TRPM6: variants seen among roughly 807,000 people sequenced by gnomAD.
The protein encoded by TRPM6 is channel kinase 2.
TRPM6 carries 111 observed loss-of-function variants against 247.6 expected under a neutral mutation model. That is an observed-to-expected ratio of 0.45 (90% CI 0.38 to 0.52). The LOEUF is 0.52. TRPM6 is among the 20% of genes least tolerant of loss of function. The pLI, the probability that TRPM6 is intolerant of heterozygous loss-of-function variation, is 0.00. For synonymous variants in TRPM6, 892 were observed against 853.8 expected (o/e 1.04, Z -0.78); for missense variants, 2,126 against 2,421.5 (o/e 0.88, Z 2.56).
chr9:74,825,834 C>T (rs989892779), intron 7 of TRPM6, among the ~76,000 whole-genome samples: 45 of 152,098 alleles, frequency 3.0e-4, no homozygotes, highest in African/African-American at 1.1e-3. Context: ...TTTCAGGCCC[C>T]TAATGGATCC....
intron 5 of TRPM6, among the ~76,000 whole-genome samples, chr9:74,836,174 A>G (rs1829714847): frequency 6.6e-6 from 1 of 152,132 alleles, no homozygotes; most frequent in Admixed American, 6.5e-5. Context: ...TACTGTCTCC[A>G]TAGATTTGCC....
At chr9:74,833,246 C>A (rs1256495355) in intron 6 of TRPM6, among the ~76,000 whole-genome samples, 2 of 152,124 alleles carry the variant, frequency 1.3e-5, no homozygotes, top group African/African-American at 4.8e-5. Flanking sequence ...ATGATCCTGA[C>A]AGAAATATTA....
chr9:74,803,656 T>C (rs1238598176), intron 15 of TRPM6, 138 bp downstream of exon 15: 2 of 755,290 alleles, frequency 2.6e-6, no homozygotes, highest in Non-Finnish European at 4.8e-6. Flanking sequence ...GTGTTATGCT[T>C]TTGACTTGCA....
At chr9:74,863,070 C>G (rs939204183) in intron 1 of TRPM6, among the ~76,000 whole-genome samples, 1 of 151,638 alleles carries the variant, frequency 6.6e-6, no homozygotes, top group African/African-American at 2.4e-5. Flanking sequence ...TTTTTTGAGA[C>G]GGAGTTTCTC....
chr9:74,767,594 T>G (rs1826870451), intron 25 of TRPM6, among the ~76,000 whole-genome samples: 1 of 152,106 alleles, frequency 6.6e-6, no homozygotes, highest in African/African-American at 2.4e-5. Context: ...ATAAATGACC[T>G]CAACAAAGAT....
Position 74,792,612 on chromosome 9 carries a change from A to C in TRPM6, c.2538+12T>G. On this transcript the variant is annotated intron_variant, in intron 19 of 38. Coordinates refer to ENST00000360774, the MANE Select transcript of TRPM6 (RefSeq NM_017662.5). ...TCATTAATCCGACATATATTGTTGC[A>C]ATGAGACCAACCGTATAAAACCAAA... 6.2e-7 allele frequency: 1 copy of C among 1,613,228 alleles called. No individual in the cohort carries two copies. The highest frequency in any genetic ancestry group is 8.5e-7 in the Non-Finnish European group (1 of 1,179,210).
chr9:74,794,706 G>C (rs1828027464), intron 18 of TRPM6, among the ~76,000 whole-genome samples: 1 of 152,062 alleles, frequency 6.6e-6, no homozygotes, highest in Non-Finnish European at 1.5e-5. Context: ...ATTATAAAGT[G>C]CTGATCGGGC....
At chr9:74,864,423 T>A (rs1026868132) in intron 1 of TRPM6, among the ~76,000 whole-genome samples, 3 of 152,162 alleles carry the variant, frequency 2.0e-5, no homozygotes, top group African/African-American at 2.4e-5. Flanking sequence ...TCTGCAAGGA[T>A]ACCTACCTGA....
In TRPM6 at chr9:74,827,778, G is replaced by A. The variant is rs775239785; in HGVS notation, c.841C>T (p.Arg281Cys). The A allele has an allele frequency of 2.2e-5, 35 of 1,613,874 alleles. No homozygotes were observed. In the Admixed American group the frequency reaches 2.8e-4, roughly 13 times the overall value. The stretch of plus-strand genomic sequence containing the variant: ...GTGACTGAGCCCCTGTGATACTCAC[G>A]GCAGTGTATTTTCTGCAGAGAGAGG... The part of the protein sequence containing the change: ...KYLSLQKIHC[R>C]SRQGVPVVGL... Residue 281 changes from arginine to cysteine, a missense_variant and splice_region_variant, in exon 7 of 39, where the codon CGC (arginine) becomes TGC (cysteine). Arg to Cys is a radical substitution (Grantham distance 180, BLOSUM62 -3). This residue lies in a region of TRPM6 where 1,082 missense variants were observed against 1,307.9 expected (regional missense o/e 0.83). Coordinates refer to ENST00000360774, the MANE Select transcript of TRPM6 (RefSeq NM_017662.5).
Position 74,753,414 on chromosome 9 carries a change from A to G in TRPM6, c.4907-1046T>C, listed in dbSNP as rs77521865. 1.0e-3 allele frequency among the ~76,000 whole-genome samples: 157 copies of G among 152,302 alleles called. 3 individuals carry two copies. The East Asian group carries it at 0.029, about 28-fold the overall frequency. On this transcript the variant is annotated intron_variant, in intron 28 of 38. Transcript: ENST00000360774. Reference sequence around the variant, plus strand: ...GTATAAAAAATACTATTTGAAGGCCAAGTGGAGTAGCCGGCTCATGCCTGT... The same window carrying G: ...GTATAAAAAATACTATTTGAAGGCCGAGTGGAGTAGCCGGCTCATGCCTGT...
At chr9:74,863,799 G>A (rs12379592) in intron 1 of TRPM6, among the ~76,000 whole-genome samples, 36,032 of 151,628 alleles carry the variant, frequency 0.24, 5,178 homozygotes, top group Middle Eastern at 0.43. Flanking sequence ...TGTTAGCCAG[G>A]GTGGTCTCGA....
chr9:74,884,063 C>T (rs1036562269), intron 1 of TRPM6, among the ~76,000 whole-genome samples: 4 of 150,562 alleles, frequency 2.7e-5, no homozygotes, highest in African/African-American at 4.9e-5. Context: ...GCAGGAGAAT[C>T]GCTTGAACCT....
chr9:74,861,222 T>C (rs1277483693), intron 1 of TRPM6, among the ~76,000 whole-genome samples: 6 of 152,196 alleles, frequency 3.9e-5, no homozygotes, highest in African/African-American at 1.2e-4. Flanking sequence ...AATTTCAAAA[T>C]ACCTGAATCT....
chr9:74,842,280 A>G lies in TRPM6; in HGVS notation c.216T>C (p.Ala72=), dbSNP rs201879181. Residue 72 remains alanine, a synonymous_variant, in exon 4 of 39, where the codon GCT becomes GCC. Transcript: ENST00000360774. ...ATTGTTCACTTTCTTTACCCTTGGC[A>G]GCTGAGATGGTCCAGGAATAATCTA... ...AGIDYSWTIS[A]AKGKESEQWS... 11 of 1,614,048 alleles carry G rather than the reference A, an allele frequency of 6.8e-6. No individual in the cohort carries two copies. Among genetic ancestry groups the G allele is most frequent in the Non-Finnish European group, 9.3e-6 (11 of 1,180,032 alleles).
intron 15 of TRPM6, 116 bp downstream of exon 15, chr9:74,803,678 T>C (rs1195298623): frequency 1.2e-5 from 10 of 804,866 alleles, no homozygotes; most frequent in African/African-American, 1.7e-5. Flanking sequence ...CATCTGTTTA[T>C]GGCACTTATA....
intron 37 of TRPM6, 42 bp downstream of exon 37, chr9:74,732,643 T>C (rs751811055): frequency 7.0e-7 from 1 of 1,420,986 alleles, no homozygotes; most frequent in Admixed American, 1.7e-5. Context: ...TTACTATATG[T>C]TAAATGCAAT....
rs1267283674 is a variant in TRPM6, at chr9:74,782,735, A to G, written c.3038T>C (p.Ile1013Thr). 7.4e-6 allele frequency: 12 copies of G among 1,614,066 alleles called. No homozygotes were observed. Among genetic ancestry groups the G allele is most frequent in the African/African-American group, 1.3e-5 (1 of 74,938 alleles). ...EPPSWSLARD[I>T]VFEPYWMIYG... Reference sequence around the variant, plus strand: ...TATCATCCAGTATGGCTCAAATACAATATCTCGAGCTAGACTCCAAGATGG... The same window carrying G: ...TATCATCCAGTATGGCTCAAATACAGTATCTCGAGCTAGACTCCAAGATGG... Residue 1013 changes from isoleucine to threonine, a missense_variant, in exon 22 of 39, where the codon ATT becomes ACT. This residue lies in a region of TRPM6 where 1,082 missense variants were observed against 1,307.9 expected (regional missense o/e 0.83). Transcript: ENST00000360774.
At chr9:74,767,997 C>T (rs1020508583) in intron 25 of TRPM6, among the ~76,000 whole-genome samples, 40 of 151,984 alleles carry the variant, frequency 2.6e-4, no homozygotes, top group African/African-American at 9.7e-4. Context: ...CTTGGAAGTA[C>T]CCATAATTTT....
At chr9:74,865,277 A>C (rs1830812121) in intron 1 of TRPM6, among the ~76,000 whole-genome samples, 1 of 152,182 alleles carries the variant, frequency 6.6e-6, no homozygotes, top group Non-Finnish European at 1.5e-5. Flanking sequence ...AATTGGTTGA[A>C]GCCCTCATTA....
Sources: allele counts gnomAD v4.1 joint callset (sites outside exome capture counted in the v4.1 genomes callset), GRCh38; gene constraint gnomAD v4.1.1; regional missense constraint gnomAD v4.1.1; transcripts MANE v1.5; gene names NCBI Gene and HGNC (gene_info 2026-07-23, HGNC 2026-07-21).